BCKDHB: variants seen among roughly 807,000 people sequenced by gnomAD.
The protein encoded by BCKDHB is branched chain keto acid dehydrogenase E1 subunit beta.
A neutral mutation model predicts 48.5 loss-of-function variants in BCKDHB; 41 were observed. The ratio of observed to expected loss-of-function variants is 0.85; its 90% CI spans 0.66 to 1.10. The LOEUF (loss-of-function observed/expected upper bound fraction) is 1.10. Among genes scored for constraint, BCKDHB ranks in the 50% least tolerant of loss-of-function variants. BCKDHB has a pLI of 0.00. For missense variants in BCKDHB, 496 were observed against 494.2 expected, an observed-to-expected ratio of 1.00 and a Z score of -0.03; for synonymous variants, 201 against 174.8, an observed-to-expected ratio of 1.15 and a Z score of -1.18.
chr6:80,391,879 T>C, the BCKDHB span, among the ~76,000 whole-genome samples: 1 of 152,220 alleles, frequency 6.6e-6, no homozygotes. Flanking sequence ...GGAACATACA[T>C]TTTCTTCCTG....
rs1767953682 is a variant in BCKDHB at position 80,307,815 on chromosome 6, A to G, written c.1038+34594A>G. 16 of 985,106 alleles carry G rather than the reference A, an allele frequency of 1.6e-5. No homozygotes were observed. The Admixed American group carries it at 9.2e-4, about 57-fold the overall frequency. 61.0% of individuals were successfully genotyped at this position (985,106 alleles called of 1,614,324 possible). ...AATTTACCAAAGTTGTAGATAATCC[A>G]TTCAAATGGAATGTGTCTATATGTG... On this transcript the variant is annotated intron_variant, in intron 9 of 9. Transcript: ENST00000320393.
the BCKDHB span, among the ~76,000 whole-genome samples, chr6:80,452,691 G>A: frequency 6.6e-6 from 1 of 152,172 alleles, no homozygotes; most frequent in Non-Finnish European, 1.5e-5. Context: ...CTAAGAGGCA[G>A]ATTAGAAGCA....
At chr6:80,187,805 A>G (rs769018270) in intron 6 of BCKDHB, among the ~76,000 whole-genome samples, 2 of 152,220 alleles carry the variant, frequency 1.3e-5, no homozygotes, top group Admixed American at 6.5e-5. Context: ...CAGAATAGCT[A>G]TTATTAAAAA....
the BCKDHB span, among the ~76,000 whole-genome samples, chr6:80,380,883 A>G: frequency 6.6e-6 from 1 of 152,060 alleles, no homozygotes; most frequent in Non-Finnish European, 1.5e-5. Flanking sequence ...ATTTTTAAAT[A>G]TTAATCTTGT....
intron 6 of BCKDHB, 143 bp from the exon 7 acceptor site, chr6:80,200,791 C>T: frequency 1.5e-6 from 1 of 664,686 alleles, no homozygotes; most frequent in Non-Finnish European, 2.6e-6. Flanking sequence ...ATCATAAATG[C>T]TATTTCTGTT....
chr6:80,341,570 A>G (rs1013355013), intron 9 of BCKDHB, among the ~76,000 whole-genome samples: 2 of 152,168 alleles, frequency 1.3e-5, no homozygotes, highest in Non-Finnish European at 2.9e-5. Context: ...GAGCATTGCT[A>G]TTTGAAAAAA....
chr6:80,143,280 G>A lies in BCKDHB; in HGVS notation c.343+14051G>A, dbSNP rs138560909. 1.7e-3 allele frequency among the ~76,000 whole-genome samples: 263 copies of A among 152,228 alleles called. 1 individual carries two copies. Among genetic ancestry groups the A allele is most frequent in the African/African-American group, 6.0e-3 (249 of 41,556 alleles). On this transcript the variant is annotated intron_variant, in intron 3 of 9. Transcript: ENST00000320393. The stretch of plus-strand genomic sequence containing the variant: ...GTCACTTACCTGAAGTCACTTAACT[G>A]TCTCAGGAAGTTTGAATCTAAATGT...
chr6:80,379,286 T>C, the BCKDHB span, among the ~76,000 whole-genome samples: 15 of 152,108 alleles, frequency 9.9e-5, no homozygotes, highest in African/African-American at 2.6e-4. Flanking sequence ...ATTCAACATA[T>C]GCAAATTAAT....
chr6:80,302,179 G>A (rs79919734), intron 9 of BCKDHB, among the ~76,000 whole-genome samples: 2,705 of 152,058 alleles, frequency 0.018, 71 homozygotes, highest in African/African-American at 0.062. Context: ...GAAATAAAAG[G>A]CATTCAAATA....
At chr6:80,129,014 T>C (rs970468081) in intron 2 of BCKDHB, 147 bp from the exon 3 acceptor site, 1 of 645,328 alleles carries the variant, frequency 1.5e-6, no homozygotes, top group African/African-American at 1.8e-5. Flanking sequence ...ATGTCAATAA[T>C]GTAGAAGTTG....
chr6:80,284,142 G>A (rs926763365), intron 9 of BCKDHB, among the ~76,000 whole-genome samples: 5 of 152,056 alleles, frequency 3.3e-5, no homozygotes, highest in African/African-American at 9.7e-5. Context: ...AACTCAGTTT[G>A]TGTTTTGTTA....
the BCKDHB span, among the ~76,000 whole-genome samples, chr6:80,376,328 C>G: frequency 6.6e-6 from 1 of 152,084 alleles, no homozygotes; most frequent in Non-Finnish European, 1.5e-5. Flanking sequence ...TCCCACACAG[C>G]CCATACCCCA....
In BCKDHB at chr6:80,167,872, C is replaced by T. The variant is rs572122909; in HGVS notation, c.477+61C>T. 1.4e-4 allele frequency: 208 copies of T among 1,513,086 alleles called. 1 individual carries two copies. The East Asian group carries it at 4.6e-3, about 33-fold the overall frequency. The allele number at this position is 1,513,086 out of a possible 1,614,324, so 93.7% of individuals were successfully genotyped here. The stretch of plus-strand genomic sequence containing the variant: ...TTGAAATATTCAAGTATTGCCGCTA[C>T]CCTTCCACCCACCCTTACCTGCATT... On this transcript the variant is annotated intron_variant, in intron 4 of 9. Transcript: ENST00000320393.
intron 8 of BCKDHB, among the ~76,000 whole-genome samples, chr6:80,222,870 C>T (rs1258484176): frequency 1.3e-5 from 2 of 152,144 alleles, no homozygotes; most frequent in Admixed American, 6.5e-5. Flanking sequence ...CTACTAGGCC[C>T]TTAATCATAT....
chr6:80,314,547 G>C (rs996530261), intron 9 of BCKDHB, among the ~76,000 whole-genome samples: 1 of 152,254 alleles, frequency 6.6e-6, no homozygotes, highest in Non-Finnish European at 1.5e-5. Flanking sequence ...CCAAGTGGGA[G>C]GACCCACCCT....
At chr6:80,296,609 T>G (rs2127988735) in intron 9 of BCKDHB, among the ~76,000 whole-genome samples, 1 of 152,304 alleles carries the variant, frequency 6.6e-6, no homozygotes, top group East Asian at 1.9e-4. Flanking sequence ...CTTAATTAAT[T>G]TGACCATAAG....
At chr6:80,237,850 A>AG (rs1474486616) in intron 8 of BCKDHB, among the ~76,000 whole-genome samples, 1 of 152,232 alleles carries the variant, frequency 6.6e-6, no homozygotes, top group East Asian at 1.9e-4. Flanking sequence ...GAAAAGGTTC[A>AG]GGCCATCCCT....
chr6:80,144,619 G>T (rs951874283), intron 3 of BCKDHB, among the ~76,000 whole-genome samples: 1 of 152,132 alleles, frequency 6.6e-6, no homozygotes, highest in Non-Finnish European at 1.5e-5. Flanking sequence ...GAGCCAAATA[G>T]TCTCAATGAA....
intron 1 of BCKDHB, among the ~76,000 whole-genome samples, chr6:80,114,715 C>T (rs12528770): frequency 0.085 from 12,951 of 152,098 alleles, 653 homozygotes; most frequent in African/African-American, 0.11. Flanking sequence ...TTTTGGGAGC[C>T]GACACAAGAA....
Sources: gnomAD v4.1 joint callset for allele counts (sites outside exome capture counted in the v4.1 genomes callset) on GRCh38, gnomAD v4.1.1 for gene constraint, MANE v1.5 for transcripts, NCBI Gene and HGNC (gene_info 2026-07-23, HGNC 2026-07-21) for gene names.